The following PRRC2B variants were observed in gnomAD, a reference collection of about 807,000 sequenced individuals.
PRRC2B encodes protein PRRC2B.
Under a neutral mutation model 242.3 loss-of-function variants are expected in PRRC2B, and 68 were observed. The ratio of observed to expected loss-of-function variants is 0.28; its 90% CI spans 0.23 to 0.34. The LOEUF is 0.34. Ranked by LOEUF, PRRC2B falls within the 10% of genes least tolerant of loss-of-function variation. The pLI, the probability that PRRC2B is intolerant of heterozygous loss-of-function variation, is 1.00. For missense variants in PRRC2B, 2,835 were observed against 2,954.8 expected, an observed-to-expected ratio of 0.96 and a Z score of 0.94; for synonymous variants, 1,228 against 1,173.6, an observed-to-expected ratio of 1.05 and a Z score of -0.95.
Position 131,446,461 on chromosome 9 carries a change from C to G in PRRC2B, c.674C>G (p.Thr225Ser). Residue 225 changes from threonine to serine, a missense_variant, in exon 7 of 32, where the codon ACC becomes AGC. Thr to Ser is a moderately conservative substitution (Grantham distance 58). Coordinates refer to ENST00000683519, the MANE Select transcript of PRRC2B (RefSeq NM_013318.4). The surrounding 1 kb of genome is among the most constrained non-coding windows in gnomAD (Gnocchi z 4.1). ...RHIISATSLS[T>S]SPTELGSRNS... ...ATAATTTCTGCCACGTCTCTGAGCACCTCCCCAACTGAGCTGGGCAGCAGG... is the reference window on the plus strand; with the variant it reads ...ATAATTTCTGCCACGTCTCTGAGCAGCTCCCCAACTGAGCTGGGCAGCAGG... The G allele has an allele frequency of 1.2e-6, 2 of 1,613,878 alleles. No individual in the cohort carries two copies. The highest frequency in any genetic ancestry group is 1.7e-6 in the Non-Finnish European group (2 of 1,179,874).
chr9:131,408,132 C>T (rs1004448101), intron 1 of PRRC2B, among the ~76,000 whole-genome samples: 1 of 152,196 alleles, frequency 6.6e-6, no homozygotes, highest in Admixed American at 6.5e-5. Flanking sequence ...TGTAAGTAGG[C>T]TGTGTTCTCT....
At chr9:131,481,311 C>CAAAAAAAAA (rs11404767) in intron 19 of PRRC2B, among the ~76,000 whole-genome samples, 19 of 79,252 alleles carry the variant, frequency 2.4e-4, no homozygotes, top group African/African-American at 1.1e-3. Context: ...ACTCCGTCTC[C>CAAAAAAAAA]AAAAAAAAAA....
At position 131,443,139 on chromosome 9, in the gene PRRC2B, ATT is replaced by A. The variant is rs11289365; in HGVS notation, c.470-1035_470-1034del. Among the ~76,000 whole-genome samples, 101 of 142,704 alleles carry A rather than the reference ATT, an allele frequency of 7.1e-4. 3 individuals are homozygous for A. In the East Asian group the frequency reaches 0.012, roughly 16 times the overall value. 93.6% of individuals were successfully genotyped at this position (142,704 alleles called of 152,430 possible). A position where few individuals can be genotyped will look rare whatever the true frequency, so the allele number is the denominator to read the frequency against. The stretch of plus-strand genomic sequence containing the variant: ...TTATTTTATTTTATTTTATTTTATT[ATT>A]TTTTTTTTTTGAGACGGAATCTCGC... On this transcript the variant is annotated intron_variant, in intron 5 of 31. Coordinates refer to ENST00000683519, the MANE Select transcript of PRRC2B (RefSeq NM_013318.4).
At chr9:131,434,559 C>T (rs541090448) in intron 3 of PRRC2B, among the ~76,000 whole-genome samples, 6 of 152,368 alleles carry the variant, frequency 3.9e-5, no homozygotes, top group Admixed American at 3.9e-4. Context: ...AGTGCGACTA[C>T]TTGGAAGCTT....
chr9:131,420,483 T>TTCTCTCTTTCTCTCTTTCTCTCTCTC (rs1491546513), intron 1 of PRRC2B, among the ~76,000 whole-genome samples: 1 of 16,684 alleles, frequency 6.0e-5, no homozygotes, highest in Non-Finnish European at 1.8e-4. Context: ...CTTTCTTTCT[T>TTCTCTCTTTCTCTCTTTCTCTCTCTC]TCTTTCTTTC....
At chr9:131,404,873 A>C (rs948341158) in intron 1 of PRRC2B, among the ~76,000 whole-genome samples, 1 of 152,254 alleles carries the variant, frequency 6.6e-6, no homozygotes, top group Non-Finnish European at 1.5e-5. Context: ...AAACTGTACC[A>C]GATTTGTTTT....
At position 131,434,016 on chromosome 9, in the gene PRRC2B, T is replaced by C. The variant is rs146966126; in HGVS notation, c.293+1222T>C. Among the ~76,000 whole-genome samples, 442 of 152,304 alleles carry C rather than the reference T, an allele frequency of 2.9e-3. 2 individuals carry two copies. Among genetic ancestry groups the C allele is most frequent in the African/African-American group, 7.3e-3 (302 of 41,556 alleles). ...AAGTGGTTTCCAGCTAGACCACTTATTAGCTTGATGGAACCTGGAGAATTG... is the reference window on the plus strand; with the variant it reads ...AAGTGGTTTCCAGCTAGACCACTTACTAGCTTGATGGAACCTGGAGAATTG... On this transcript the variant is annotated intron_variant, in intron 3 of 31. Transcript: ENST00000683519.
chr9:131,402,293 T>A (rs957405825), intron 1 of PRRC2B, among the ~76,000 whole-genome samples: 1 of 152,178 alleles, frequency 6.6e-6, no homozygotes, highest in Non-Finnish European at 1.5e-5. Flanking sequence ...CATTTTACTT[T>A]CTTTCTGTGA....
At chr9:131,478,649 G>GGGGGGGGGCCCCAGGGCC in intron 18 of PRRC2B, 30 bp downstream of exon 18, 2 of 504,556 alleles carry the variant, frequency 4.0e-6, no homozygotes, top group East Asian at 5.1e-5. Context: ...GGGGCATGGG[G>GGGGGGGGGCCCCAGGGCC]CTGGAGGGCA....
intron 1 of PRRC2B, among the ~76,000 whole-genome samples, chr9:131,403,420 C>T (rs779039879): frequency 7.3e-5 from 11 of 151,596 alleles, no homozygotes; most frequent in Non-Finnish European, 1.2e-4. Context: ...GGCATGATCT[C>T]GGCTCACTGC....
At chr9:131,463,547 A>G (rs911606227) in intron 11 of PRRC2B, among the ~76,000 whole-genome samples, 2 of 151,962 alleles carry the variant, frequency 1.3e-5, no homozygotes, top group African/African-American at 4.8e-5. Context: ...GCAGACCAGT[A>G]AGAAAGGGTC....
chr9:131,466,200 G>C (rs755339063), intron 12 of PRRC2B, among the ~76,000 whole-genome samples: 19 of 152,246 alleles, frequency 1.2e-4, no homozygotes, highest in Non-Finnish European at 2.4e-4. Context: ...TCGGGTTAGA[G>C]AGTCCTAGTG....
Position 131,446,744 on chromosome 9 carries a change from C to G in PRRC2B, c.855+102C>G. ...TCCCCCTTGGGGTCTCCTCTTGGCCCTGTTACCCTACTTCTGAGGCTTCCA... is the reference window on the plus strand; with the variant it reads ...TCCCCCTTGGGGTCTCCTCTTGGCCGTGTTACCCTACTTCTGAGGCTTCCA... On this transcript the variant is annotated intron_variant, in intron 7 of 31. Transcript: ENST00000683519. This position sits in a 1 kb window ranked among gnomAD's most constrained non-coding sequence, Gnocchi z 4.1. The G allele has an allele frequency of 7.5e-7, 1 of 1,340,882 alleles. No homozygotes were observed. Among genetic ancestry groups the G allele is most frequent in the South Asian group, 1.4e-5 (1 of 71,976 alleles). The allele number at this position is 1,340,882 out of a possible 1,614,324, so 83.1% of individuals were successfully genotyped here. A position where few individuals can be genotyped will look rare whatever the true frequency, so the allele number is the denominator to read the frequency against.
intron 9 of PRRC2B, among the ~76,000 whole-genome samples, chr9:131,451,915 C>T (rs1177498560): frequency 6.6e-6 from 1 of 151,886 alleles, no homozygotes; most frequent in African/African-American, 2.4e-5. Context: ...AACCCTCCCT[C>T]TTTGTATGCC....
Position 131,444,172 on chromosome 9 carries a change from G to A in PRRC2B, c.470-13G>A, listed in dbSNP as rs775483780. ...ATCTCACTTCCTCCATGTCTACCCC[G>A]TCTTCTTGACAGGTTTAAGGGGCTC... is the stretch of plus-strand genomic sequence containing the variant. On this transcript the variant is annotated splice_polypyrimidine_tract_variant and intron_variant, in intron 5 of 31. Transcript: ENST00000683519. 1.1e-5 allele frequency: 17 copies of A among 1,613,694 alleles called. No individual in the cohort carries two copies. The highest frequency in any genetic ancestry group is 4.4e-5 in the South Asian group (4 of 91,076).
intron 11 of PRRC2B, among the ~76,000 whole-genome samples, chr9:131,461,806 T>A (rs1943250320): frequency 6.6e-6 from 1 of 151,972 alleles, no homozygotes; most frequent in East Asian, 1.9e-4. Context: ...GGATTTCAGG[T>A]GTGAGCCACT....
intron 1 of PRRC2B, among the ~76,000 whole-genome samples, chr9:131,400,428 C>T (rs1269849122): frequency 1.3e-5 from 2 of 151,996 alleles, no homozygotes; most frequent in Non-Finnish European, 2.9e-5. Context: ...AAGCAATTCT[C>T]GTGCCTCAGC....
chr9:131,489,083 A>G (rs376830371), intron 28 of PRRC2B, among the ~76,000 whole-genome samples: 1 of 151,854 alleles, frequency 6.6e-6, no homozygotes. Context: ...GGCTGCTCCC[A>G]GTAGCTGTGG....
Position 131,494,324 on chromosome 9 carries a change from C to G in PRRC2B, c.6474-81C>G, listed in dbSNP as rs1944273443. 1.3e-6 allele frequency: 1 copy of G among 743,346 alleles called. No individual in the cohort carries two copies. The highest frequency in any genetic ancestry group is 1.8e-5 in the African/African-American group (1 of 56,272). The allele number at this position is 743,346 out of a possible 1,614,324, so 46.0% of individuals were successfully genotyped here. A position where few individuals can be genotyped will look rare whatever the true frequency, so the allele number is the denominator to read the frequency against. On this transcript the variant is annotated intron_variant, in intron 30 of 31. Coordinates refer to ENST00000683519, the MANE Select transcript of PRRC2B (RefSeq NM_013318.4). This position sits in a 1 kb window ranked among gnomAD's most constrained non-coding sequence, Gnocchi z 4.3. ...GGCCGCAGGCCCTTCCTTCCTTGTGCCTCCTCCATGTGCTAGGCTTTGACT... is the reference window on the plus strand; with the variant it reads ...GGCCGCAGGCCCTTCCTTCCTTGTGGCTCCTCCATGTGCTAGGCTTTGACT...
Sources: allele counts gnomAD v4.1 joint callset (sites outside exome capture counted in the v4.1 genomes callset), GRCh38; gene constraint gnomAD v4.1.1; non-coding constraint Gnocchi (gnomAD v3.1); transcripts MANE v1.5; gene names NCBI Gene and HGNC (gene_info 2026-07-23, HGNC 2026-07-21).